Variants in CEACAM8 observed in about 807,000 individuals in gnomAD.
CEACAM8 encodes cell adhesion molecule CEACAM8.
In CEACAM8, 31 loss-of-function variants were observed where a neutral mutation model predicts 33.4. That is an observed-to-expected ratio of 0.93 (90% CI 0.70 to 1.25). CEACAM8 has a LOEUF of 1.25. Among genes scored for constraint, CEACAM8 ranks in the 50% most tolerant of loss-of-function variants. The probability of loss-of-function intolerance (pLI) is 0.00; values close to 1 mark genes in which losing one functional copy is unlikely to be tolerated. For synonymous variants in CEACAM8, 138 were observed against 164.5 expected, an observed-to-expected ratio of 0.84 and a Z score of 1.23; for missense variants, 388 against 434.6, an observed-to-expected ratio of 0.89 and a Z score of 0.95.
At chr19:42,585,983 A>C (rs2042330864) in intron 4 of CEACAM8, among the ~76,000 whole-genome samples, 2 of 152,208 alleles carry the variant, frequency 1.3e-5, no homozygotes, top group South Asian at 4.1e-4. Flanking sequence ...AAAAAATTTT[A>C]ATTCACATTA....
At chr19:42,582,657 G>C (rs1209799544) in intron 5 of CEACAM8, among the ~76,000 whole-genome samples, 1 of 152,190 alleles carries the variant, frequency 6.6e-6, no homozygotes, top group East Asian at 1.9e-4. Flanking sequence ...ATATGGGGTA[G>C]ATGCGCAGGG....
intron 2 of CEACAM8, 34 bp downstream of exon 2, chr19:42,593,507 C>G: frequency 6.5e-7 from 1 of 1,537,940 alleles, no homozygotes; most frequent in Non-Finnish European, 8.8e-7. Context: ...TAGAACTGAC[C>G]CCCAACACCC....
intron 1 of CEACAM8, among the ~76,000 whole-genome samples, chr19:42,594,113 C>G (rs922981532): frequency 6.6e-6 from 1 of 152,162 alleles, no homozygotes; most frequent in East Asian, 1.9e-4. Context: ...CTGCACGGCT[C>G]CCTCCACACT....
chr19:42,592,413 G>A (rs2042458476), intron 2 of CEACAM8, among the ~76,000 whole-genome samples: 1 of 150,974 alleles, frequency 6.6e-6, no homozygotes, highest in African/African-American at 2.5e-5. Context: ...GACCATCCTG[G>A]CCAACATGGT....
chr19:42,584,842 G>A (rs1217482820), intron 4 of CEACAM8, among the ~76,000 whole-genome samples: 1 of 152,082 alleles, frequency 6.6e-6, no homozygotes, highest in Non-Finnish European at 1.5e-5. Flanking sequence ...GAAGTAATAA[G>A]GATTAGAGTG....
At chr19:42,582,307 T>C (rs895774711) in intron 5 of CEACAM8, among the ~76,000 whole-genome samples, 3 of 152,192 alleles carry the variant, frequency 2.0e-5, no homozygotes, top group African/African-American at 2.4e-5. Context: ...CAGATTTCTC[T>C]GATTTCTTGT....
At chr19:42,585,689 A>G (rs2042325683) in intron 4 of CEACAM8, among the ~76,000 whole-genome samples, 2 of 152,250 alleles carry the variant, frequency 1.3e-5, no homozygotes, top group Admixed American at 1.3e-4. Context: ...CAGGAACAAG[A>G]CAAGGATGCC....
In CEACAM8 at chr19:42,593,117, C is replaced by CCTGGAGTCAGGATCCTGGGACAGGGGT. The variant is rs2042475822; in HGVS notation, c.424+397_424+423dup. Among the ~76,000 whole-genome samples, 3 of 152,336 alleles carry CCTGGAGTCAGGATCCTGGGACAGGGGT rather than the reference C, an allele frequency of 2.0e-5. No homozygotes were observed. In the East Asian group the frequency reaches 5.8e-4, roughly 29 times the overall value. ...TGCTGGCACAGGTTTCCCAGGGTTACCTGGAGTCAGGATCCTGGGACAGGG... is the reference window on the plus strand; with the variant it reads ...TGCTGGCACAGGTTTCCCAGGGTTACCTGGAGTCAGGATCCTGGGACAGGGGTCTGGAGTCAGGATCCTGGGACAGGG... On this transcript the variant is annotated intron_variant, in intron 2 of 5. Transcript: ENST00000244336.
chr19:42,581,907 AAAAAAAAAAAAAAAT>A (rs2042262308), intron 5 of CEACAM8, among the ~76,000 whole-genome samples: 1 of 97,622 alleles, frequency 1.0e-5, no homozygotes, highest in Non-Finnish European at 2.0e-5. Context: ...AAAAAAAAAA[AAAAAAAAAAAAAAAT>A]ATATATATAT....
chr19:42,594,662 CA>C, intron 1 of CEACAM8, 102 bp downstream of exon 1: 1 of 865,984 alleles, frequency 1.2e-6, no homozygotes, highest in Non-Finnish European at 1.9e-6. Context: ...AAGGCTCCAA[CA>C]GAAGTCCTCT....
At chr19:42,590,346 C>T (rs986649669) in intron 2 of CEACAM8, among the ~76,000 whole-genome samples, 5 of 152,170 alleles carry the variant, frequency 3.3e-5, no homozygotes, top group African/African-American at 1.2e-4. Context: ...TCAGTGACCT[C>T]TAAAGATAGA....
rs1394970726 is a variant in CEACAM8, at chr19:42,581,812, C to T, written c.*41-459G>A. Among the ~76,000 whole-genome samples the T allele has an allele frequency of 2.9e-5, 4 of 139,124 alleles. No homozygotes were observed. In the East Asian group the frequency reaches 9.0e-4, roughly 31 times the overall value. 91.3% of individuals were successfully genotyped at this position (139,124 alleles called of 152,430 possible). A position where few individuals can be genotyped will look rare whatever the true frequency, so the allele number is the denominator to read the frequency against. ...GGCTGAGGCAGGAGAATTGCTTGAA[C>T]CTGGGAAGCAGAGGTTGCAGTGAGC... is the stretch of plus-strand genomic sequence containing the variant. On this transcript the variant is annotated intron_variant, in intron 5 of 5. Coordinates refer to ENST00000244336, the MANE Select transcript of CEACAM8 (RefSeq NM_001816.4).
rs897678846 is a variant in CEACAM8, at chr19:42,594,626, C to A, written c.64+139G>T. ...GTGATTTTCCTGTTGTGACCCCTTC[C>A]CCTCTCTTGTGTCCTCTCCTCTATT... On this transcript the variant is annotated intron_variant, in intron 1 of 5. Coordinates refer to ENST00000244336, the MANE Select transcript of CEACAM8 (RefSeq NM_001816.4). 9.3e-6 allele frequency: 6 copies of A among 642,916 alleles called. No individual in the cohort carries two copies. The Admixed American group carries it at 1.2e-4, about 13-fold the overall frequency. The allele number at this position is 642,916 out of a possible 1,614,324, so 39.8% of individuals were successfully genotyped here.
chr19:42,589,108 G>A (rs2042387232), intron 3 of CEACAM8, 70 bp from the exon 4 acceptor site: 2 of 1,537,198 alleles, frequency 1.3e-6, no homozygotes, highest in African/African-American at 1.4e-5. Context: ...CTGTGGAAGA[G>A]CCACAGTGTC....
At chr19:42,587,973 G>C (rs2147862545) in intron 4 of CEACAM8, among the ~76,000 whole-genome samples, 1 of 152,314 alleles carries the variant, frequency 6.6e-6, no homozygotes, top group East Asian at 1.9e-4. Flanking sequence ...ACTCCAGCCT[G>C]GGCAACTGGC....
At chr19:42,584,993 A>G (rs2042311025) in intron 4 of CEACAM8, among the ~76,000 whole-genome samples, 3 of 152,182 alleles carry the variant, frequency 2.0e-5, no homozygotes, top group Admixed American at 6.5e-5. Flanking sequence ...GAAATTACTA[A>G]AATCAGAAAT....
intron 4 of CEACAM8, among the ~76,000 whole-genome samples, chr19:42,587,486 C>G (rs1382606184): frequency 6.6e-6 from 1 of 152,084 alleles, no homozygotes. Context: ...TGAAACAAGC[C>G]AGACACAAAA....
chr19:42,593,762 T>C lies in CEACAM8; in HGVS notation c.203A>G (p.Tyr68Cys), dbSNP rs780623079. 1 of 1,614,082 alleles carries C rather than the reference T, an allele frequency of 6.2e-7. No individual in the cohort carries two copies. The highest frequency in any genetic ancestry group is 8.5e-7 in the Non-Finnish European group (1 of 1,179,994). The change falls in exon 2 of 6, where the codon TAC becomes TGC. Residue 68 changes from tyrosine (Y) to cysteine (C), a missense_variant. Tyr to Cys is a radical substitution (Grantham distance 194, BLOSUM62 -2). Transcript: ENST00000244336. Reference protein sequence around the residue: ...LPQDPRGYNWYKGETVDANRR... With the variant: ...LPQDPRGYNWCKGETVDANRR... The stretch of plus-strand genomic sequence containing the variant: ...GTTGGCATCCACTGTTTCCCCTTTG[T>C]ACCAGTTGTAGCCACGAGGGTCCTG...
intron 5 of CEACAM8, among the ~76,000 whole-genome samples, chr19:42,582,169 G>A (rs1359327538): frequency 6.6e-6 from 1 of 151,242 alleles, no homozygotes; most frequent in African/African-American, 2.4e-5. Flanking sequence ...AGTAGCATCT[G>A]GGAAGGCTTA....
Sources: gnomAD v4.1 joint callset for allele counts (sites outside exome capture counted in the v4.1 genomes callset) on GRCh38, gnomAD v4.1.1 for gene constraint, MANE v1.5 for transcripts, NCBI Gene and HGNC (gene_info 2026-07-23, HGNC 2026-07-21) for gene names.